Variants in CNBD1 observed in about 807,000 individuals in gnomAD.
CNBD1 encodes the protein cyclic nucleotide binding domain containing 1.
Under a neutral mutation model 54.4 loss-of-function variants are expected in CNBD1, and 71 were observed. The ratio of observed to expected loss-of-function variants is 1.30; its 90% CI spans 1.08 to 1.59. CNBD1 has a LOEUF of 1.59. Among genes scored for constraint, CNBD1 ranks in the 40% most tolerant of loss-of-function variants. The probability of loss-of-function intolerance (pLI) is 0.00; values close to 1 mark genes in which losing one functional copy is unlikely to be tolerated. For synonymous variants in CNBD1, 182 were observed against 170.7 expected (o/e 1.07, Z -0.51); for missense variants, 659 against 518.0 (o/e 1.27, Z -2.64).
intron 2 of CNBD1, among the ~76,000 whole-genome samples, chr8:87,402,187 C>T (rs545239073): frequency 2.0e-5 from 3 of 152,058 alleles, no homozygotes; most frequent in African/African-American, 7.2e-5. Flanking sequence ...GATGTTTTCA[C>T]TGTCACGAGA....
chr8:87,356,645 T>C (rs975205751), intron 10 of CNBD1, among the ~76,000 whole-genome samples: 1 of 152,036 alleles, frequency 6.6e-6, no homozygotes, highest in Admixed American at 6.6e-5. Context: ...GAAATTATAA[T>C]TAAAAAGGAA....
chr8:87,170,141 A>G (rs1473744318), intron 4 of CNBD1, among the ~76,000 whole-genome samples: 2 of 151,994 alleles, frequency 1.3e-5, no homozygotes, highest in African/African-American at 4.8e-5. Flanking sequence ...GTTAATTCCT[A>G]GGTATATTTT....
At position 87,081,122 on chromosome 8, in the gene CNBD1, T is replaced by C. The variant is rs901285750; in HGVS notation, c.432-124871T>C. Among the ~76,000 whole-genome samples, 5 of 152,234 alleles carry C rather than the reference T, an allele frequency of 3.3e-5. No individual in the cohort carries two copies. In the East Asian group the frequency reaches 9.6e-4, roughly 29 times the overall value. Reference sequence around the variant, plus strand: ...TATTGATTTGGAACTTTTATTGTTTTTTAAAATAAGCATTTAGTCTTCTAA... The same window carrying C: ...TATTGATTTGGAACTTTTATTGTTTCTTAAAATAAGCATTTAGTCTTCTAA... On this transcript the variant is annotated intron_variant, in intron 4 of 10. Transcript: ENST00000518476.
At chr8:87,349,977 T>C (rs1586036725) in intron 8 of CNBD1, among the ~76,000 whole-genome samples, 2 of 152,214 alleles carry the variant, frequency 1.3e-5, no homozygotes, top group East Asian at 3.8e-4. Context: ...CCAAGAATTA[T>C]AGTAGTACAG....
chr8:87,324,753 G>T (rs538200947), intron 8 of CNBD1, among the ~76,000 whole-genome samples: 82 of 148,758 alleles, frequency 5.5e-4, no homozygotes, highest in Non-Finnish European at 1.0e-3. Context: ...CAAAAAACCA[G>T]CTCCTGGATT....
At position 86,974,756 on chromosome 8, in the gene CNBD1, T is replaced by C. The variant is rs115639470; in HGVS notation, c.431+35002T>C. On this transcript the variant is annotated intron_variant, in intron 4 of 10. Coordinates refer to ENST00000518476, the MANE Select transcript of CNBD1 (RefSeq NM_173538.3). ...GAATATAAATACACATGATGAATTA[T>C]AAAGAAAATCAAATTTCTTGGAAAT... Among the ~76,000 whole-genome samples the C allele has an allele frequency of 9.7e-3, 1,470 of 152,142 alleles. 18 individuals are homozygous for C. The highest frequency in any genetic ancestry group is 0.033 in the African/African-American group (1,356 of 41,560).
intron 8 of CNBD1, among the ~76,000 whole-genome samples, chr8:87,294,022 A>G (rs1219013168): frequency 6.6e-6 from 1 of 152,172 alleles, no homozygotes; most frequent in Non-Finnish European, 1.5e-5. Flanking sequence ...ATAATGTGAC[A>G]TCATTAAAGG....
At chr8:86,933,244 C>CTT (rs1464563268) in intron 3 of CNBD1, among the ~76,000 whole-genome samples, 2 of 152,230 alleles carry the variant, frequency 1.3e-5, no homozygotes, top group East Asian at 3.9e-4. Flanking sequence ...AGAAGTCTTA[C>CTT]TTATATAAGA....
intron 4 of CNBD1, among the ~76,000 whole-genome samples, chr8:87,124,686 G>A (rs898936109): frequency 6.6e-6 from 1 of 151,722 alleles, no homozygotes; most frequent in African/African-American, 2.4e-5. Flanking sequence ...CAAACTTGTA[G>A]GTAGCATCAT....
At chr8:87,223,398 G>A (rs1174449539) in intron 5 of CNBD1, among the ~76,000 whole-genome samples, 5 of 73,382 alleles carry the variant, frequency 6.8e-5, no homozygotes, top group Admixed American at 4.6e-4. Flanking sequence ...CCCCTCCCCC[G>A]ACCCCACAAC....
At chr8:86,979,260 A>G (rs1316624290) in intron 4 of CNBD1, among the ~76,000 whole-genome samples, 1 of 151,940 alleles carries the variant, frequency 6.6e-6, no homozygotes, top group Non-Finnish European at 1.5e-5. Context: ...TAAAAGAATA[A>G]AGACTATAAT....
intron 4 of CNBD1, among the ~76,000 whole-genome samples, chr8:86,954,116 T>G (rs1399231193): frequency 6.6e-6 from 1 of 152,196 alleles, no homozygotes; most frequent in Non-Finnish European, 1.5e-5. Flanking sequence ...ATTTATCTCA[T>G]GTCCTTCCCT....
chr8:87,365,565 T>C (rs1279202935), intron 10 of CNBD1, among the ~76,000 whole-genome samples: 1 of 152,204 alleles, frequency 6.6e-6, no homozygotes, highest in Admixed American at 6.6e-5. Flanking sequence ...ATGAATTTTA[T>C]ATTTATTGAT....
At chr8:87,139,743 G>T (rs1465574359) in intron 4 of CNBD1, among the ~76,000 whole-genome samples, 1 of 152,132 alleles carries the variant, frequency 6.6e-6, no homozygotes, top group Non-Finnish European at 1.5e-5. Context: ...TGCCAGCAAA[G>T]ACTAGGGGTC....
chr8:87,302,991 A>C (rs1041544073), intron 8 of CNBD1, among the ~76,000 whole-genome samples: 1 of 151,810 alleles, frequency 6.6e-6, no homozygotes, highest in African/African-American at 2.4e-5. Context: ...AAAAGAGGAT[A>C]CAAACAAATG....
chr8:86,940,944 A>G (rs1809644386), intron 4 of CNBD1, among the ~76,000 whole-genome samples: 1 of 152,218 alleles, frequency 6.6e-6, no homozygotes, highest in African/African-American at 2.4e-5. Context: ...AGGCTATACC[A>G]GCTGGCCTAG....
chr8:86,983,747 CAGA>C (rs1206622438), intron 4 of CNBD1, among the ~76,000 whole-genome samples: 1 of 152,100 alleles, frequency 6.6e-6, no homozygotes, highest in East Asian at 1.9e-4. Context: ...GGGTATCTGG[CAGA>C]AGAAATTTCT....
At chr8:87,176,847 A>G (rs1008610060) in intron 4 of CNBD1, among the ~76,000 whole-genome samples, 8 of 152,108 alleles carry the variant, frequency 5.3e-5, no homozygotes, top group African/African-American at 1.9e-4. Context: ...TTCTGGCTTC[A>G]TATTTTATGA....
intron 8 of CNBD1, among the ~76,000 whole-genome samples, chr8:87,333,628 A>G (rs1809881077): frequency 6.6e-6 from 1 of 152,170 alleles, no homozygotes; most frequent in Non-Finnish European, 1.5e-5. Flanking sequence ...ACCTATTGAG[A>G]TAATCATGTG....
Sources: allele counts gnomAD v4.1 joint callset (sites outside exome capture counted in the v4.1 genomes callset), GRCh38; gene constraint gnomAD v4.1.1; transcripts MANE v1.5; gene names NCBI Gene and HGNC (gene_info 2026-07-23, HGNC 2026-07-21).